RAB38: variants seen among roughly 807,000 people sequenced by gnomAD.
The protein encoded by RAB38 is ras-related protein Rab-38.
RAB38 carries 15 observed loss-of-function variants against 18.4 expected under a neutral mutation model. That is an observed-to-expected ratio of 0.82 (90% CI 0.55 to 1.26). RAB38 has a LOEUF of 1.26. RAB38 is among the 50% of genes most tolerant of loss of function. The probability of loss-of-function intolerance (pLI) is 0.00; values close to 1 mark genes in which losing one functional copy is unlikely to be tolerated. For missense variants in RAB38, 294 were observed against 267.4 expected, an observed-to-expected ratio of 1.10 and a Z score of -0.69; for synonymous variants, 101 against 104.4, an observed-to-expected ratio of 0.97 and a Z score of 0.20.
intron 1 of RAB38, among the ~76,000 whole-genome samples, chr11:88,169,969 C>CAT (rs762577349): frequency 6.6e-6 from 1 of 152,336 alleles, no homozygotes; most frequent in African/African-American, 2.4e-5. Flanking sequence ...TTTATATATA[C>CAT]ATACATATAT....
the RAB38 span, among the ~76,000 whole-genome samples, chr11:87,930,073 T>C: frequency 9.2e-5 from 14 of 152,136 alleles, no homozygotes; most frequent in African/African-American, 1.2e-4. Context: ...CCTTTGGGTA[T>C]ATACCCAGTA....
chr11:87,893,015 TAAGAC>T, the RAB38 span, among the ~76,000 whole-genome samples: 1 of 151,716 alleles, frequency 6.6e-6, no homozygotes, highest in African/African-American at 2.4e-5. Flanking sequence ...ACTTACAACA[TAAGAC>T]AATAAATATA....
chr11:87,836,456 T>C, the RAB38 span, among the ~76,000 whole-genome samples: 9 of 152,134 alleles, frequency 5.9e-5, no homozygotes, highest in Non-Finnish European at 1.2e-4. Context: ...TTGACTCAAA[T>C]ACCTAAAGCA....
At chr11:87,810,200 A>G in the RAB38 span, among the ~76,000 whole-genome samples, 4 of 152,242 alleles carry the variant, frequency 2.6e-5, no homozygotes, top group Admixed American at 6.5e-5. Flanking sequence ...ATATCCCCAG[A>G]CACCTACTGT....
the RAB38 span, among the ~76,000 whole-genome samples, chr11:87,871,783 T>G: frequency 6.6e-6 from 1 of 151,652 alleles, no homozygotes; most frequent in South Asian, 2.1e-4. Flanking sequence ...ATATAATATA[T>G]GCTGCATTTT....
the RAB38 span, among the ~76,000 whole-genome samples, chr11:87,910,651 T>TTC: frequency 5.3e-5 from 4 of 75,886 alleles, no homozygotes; most frequent in African/African-American, 1.4e-4. Context: ...TTTTTTTTTT[T>TTC]TTTTTTTTGA....
chr11:88,138,157 G>A (rs28570523), intron 2 of RAB38, among the ~76,000 whole-genome samples: 8,171 of 152,114 alleles, frequency 0.054, 322 homozygotes, highest in East Asian at 0.2. Flanking sequence ...GCTCTACAGG[G>A]CATTCAAAAA....
At chr11:88,026,853 G>A in the RAB38 span, among the ~76,000 whole-genome samples, 1 of 152,202 alleles carries the variant, frequency 6.6e-6, no homozygotes, top group Admixed American at 6.5e-5. Context: ...GGATATTCAG[G>A]TGGTTGTCAA....
chr11:88,145,925 G>T (rs1201954690), intron 2 of RAB38, among the ~76,000 whole-genome samples: 1 of 152,106 alleles, frequency 6.6e-6, no homozygotes, highest in Non-Finnish European at 1.5e-5. Context: ...TCCACAGACA[G>T]AATTCAAGGA....
chr11:87,968,314 T>G, the RAB38 span, among the ~76,000 whole-genome samples: 1 of 152,160 alleles, frequency 6.6e-6, no homozygotes, highest in South Asian at 2.1e-4. Flanking sequence ...CCATTTTTCT[T>G]TATTCCTTTT....
the RAB38 span, among the ~76,000 whole-genome samples, chr11:87,905,899 C>T: frequency 2.6e-5 from 4 of 152,014 alleles, no homozygotes; most frequent in Admixed American, 2.6e-4. Context: ...AAATTCCAGT[C>T]CCTTACATTA....
chr11:87,956,646 T>C, the RAB38 span, among the ~76,000 whole-genome samples: 1 of 152,142 alleles, frequency 6.6e-6, no homozygotes, highest in Admixed American at 6.6e-5. Flanking sequence ...TGTGAAAACA[T>C]GGCACTCAGC....
At chr11:88,029,511 C>T in the RAB38 span, among the ~76,000 whole-genome samples, 4 of 151,958 alleles carry the variant, frequency 2.6e-5, no homozygotes, top group Non-Finnish European at 5.9e-5. Context: ...CACACATAGG[C>T]TTAAAATAAA....
the RAB38 span, among the ~76,000 whole-genome samples, chr11:88,018,176 C>G: frequency 6.6e-6 from 1 of 151,598 alleles, no homozygotes; most frequent in Admixed American, 6.6e-5. Flanking sequence ...CTTCCCCTAT[C>G]AACTTTTTTC....
chr11:88,024,385 G>T, the RAB38 span, among the ~76,000 whole-genome samples: 1 of 152,004 alleles, frequency 6.6e-6, no homozygotes, highest in Non-Finnish European at 1.5e-5. Context: ...TCAGGCTATA[G>T]CAAATGCTGG....
the RAB38 span, among the ~76,000 whole-genome samples, chr11:87,902,127 A>G: frequency 1.3e-5 from 2 of 151,506 alleles, no homozygotes; most frequent in Non-Finnish European, 3.0e-5. Flanking sequence ...AGAGAAAGAA[A>G]TGAAGGGTTG....
the RAB38 span, among the ~76,000 whole-genome samples, chr11:87,974,160 T>C: frequency 1.1e-4 from 17 of 151,796 alleles, no homozygotes; most frequent in Non-Finnish European, 2.2e-4. Flanking sequence ...GACACAGATA[T>C]CAAAATGATC....
chr11:87,955,006 A>AAAAGATTGTTGTTGAACAGACTGC, the RAB38 span, among the ~76,000 whole-genome samples: 1 of 152,198 alleles, frequency 6.6e-6, no homozygotes, highest in Non-Finnish European at 1.5e-5. Context: ...AAATTTGGTG[A>AAAAGATTGTTGTTGAACAGACTGC]AAAGATTGTT....
intron 1 of RAB38, among the ~76,000 whole-genome samples, chr11:88,152,004 T>C (rs973834056): frequency 4.6e-5 from 7 of 152,264 alleles, no homozygotes; most frequent in Non-Finnish European, 8.8e-5. Context: ...GGCAAAATAC[T>C]GTCCACATGA....
Sources: allele counts gnomAD v4.1 joint callset (sites outside exome capture counted in the v4.1 genomes callset), GRCh38; gene constraint gnomAD v4.1.1; transcripts MANE v1.5; gene names NCBI Gene and HGNC (gene_info 2026-07-23, HGNC 2026-07-21).